The following PDZD11 variants were observed in gnomAD, a reference collection of about 807,000 sequenced individuals.
PDZD11 encodes the protein PDZ domain containing 11.
In PDZD11, 2 loss-of-function variants were observed where a neutral mutation model predicts 13.7. The observed-to-expected ratio is 0.15, with a 90% confidence interval of 0.06 to 0.46. The LOEUF (loss-of-function observed/expected upper bound fraction) is 0.46. Ranked by LOEUF, PDZD11 falls within the 20% of genes least tolerant of loss-of-function variation. PDZD11 has a pLI of 0.98. For synonymous variants in PDZD11, 32 were observed against 37.5 expected (o/e 0.85, Z 0.54); for missense variants, 44 against 111.7 (o/e 0.39, Z 2.73).
Position 70,287,054 on chromosome X carries a change from C to T in PDZD11, c.*28G>A. 8.5e-7 allele frequency: 1 copy of T among 1,176,220 alleles called. No homozygotes were observed. The highest frequency in any genetic ancestry group is 1.1e-6 in the Non-Finnish European group (1 of 871,048). On this transcript the variant is annotated 3_prime_UTR_variant, in exon 7 of 7. Transcript: ENST00000239666. ...CTAGTTAGCATGTCATGACAGAGTC[C>T]ACATGAAGGGCTGTGGGCTGCAACT...
chrX:70,287,387 G>C, intron 5 of PDZD11, 51 bp from the exon 6 acceptor site: 1 of 1,050,036 alleles, frequency 9.5e-7, no homozygotes, highest in Non-Finnish European at 1.3e-6. Context: ...ACCCAAGACA[G>C]AATCATAATA....
rs1456051992 is a variant in PDZD11 at position 70,288,577 on chromosome X, C to T, written c.88-64G>A. On this transcript the variant is annotated intron_variant, in intron 2 of 6. Transcript: ENST00000239666. ...ACTTCACACCTACCTTCATCTGAAACACTAATGAATTACCCTGAAGTCAGG... is the reference window on the plus strand; with the variant it reads ...ACTTCACACCTACCTTCATCTGAAATACTAATGAATTACCCTGAAGTCAGG... 7.9e-6 allele frequency: 7 copies of T among 884,179 alleles called. No individual in the cohort carries two copies. The East Asian group carries it at 1.6e-4, about 20-fold the overall frequency. The allele number at this position is 884,179 out of a possible 1,213,427, so 72.9% of individuals were successfully genotyped here.
chrX:70,289,186 A>G, intron 2 of PDZD11, 69 bp downstream of exon 2: 3 of 884,537 alleles, frequency 3.4e-6, no homozygotes, highest in Non-Finnish European at 4.8e-6. Context: ...CTGCTATCCT[A>G]CCTTTCATGC....
chrX:70,288,465 G>A lies in PDZD11; in HGVS notation c.136C>T (p.Arg46Ter), dbSNP rs1482909841. 8.3e-7 allele frequency: 1 copy of A among 1,210,924 alleles called. No individual in the cohort carries two copies. The highest frequency in any genetic ancestry group is 1.1e-6 in the Non-Finnish European group (1 of 894,923). ...GGAGGCTTCTTCAGTGTGATGGTTC[G>A]GGGCAGAAACTGGGTCAACTCATTG... ...YNNELTQFLP[R>*]TITLKKPPGA... Residue 46 changes from arginine (R) to a stop codon, truncating the protein, a stop_gained, in exon 3 of 7, where the codon CGA becomes TGA. Transcript: ENST00000239666. LOFTEE classifies it high-confidence loss of function.
intron 1 of PDZD11, 157 bp downstream of exon 1, chrX:70,289,703 G>C (rs2085746754): frequency 5.1e-6 from 1 of 197,222 alleles, no homozygotes; most frequent in Non-Finnish European, 9.2e-6. Flanking sequence ...GCAGGGACTC[G>C]GGGCAAGGCA....
intron 3 of PDZD11, 87 bp downstream of exon 3, chrX:70,288,343 C>T: frequency 1.1e-6 from 1 of 935,504 alleles, no homozygotes; most frequent in Non-Finnish European, 1.5e-6. Flanking sequence ...TTCCTCACAT[C>T]TGCACCTGCT....
chrX:70,289,182 T>C, intron 2 of PDZD11, 73 bp downstream of exon 2: 1 of 862,002 alleles, frequency 1.2e-6, no homozygotes, highest in Non-Finnish European at 1.6e-6. Flanking sequence ...AACCCTGCTA[T>C]CCTACCTTTC....
At position 70,287,269 on chromosome X, in the gene PDZD11, C is replaced by T. The variant is rs144766549; in HGVS notation, c.388+7G>A. ...TCAGGAAAGTGAAAAAAGAAAGTGG[C>T]ACTTACTGTAGGGAAAGAAGCGCAC... On this transcript the variant is annotated splice_region_variant and intron_variant, in intron 6 of 6. Transcript: ENST00000239666. The T allele has an allele frequency of 2.3e-3, 2,716 of 1,203,795 alleles. 3 individuals are homozygous for T. Among genetic ancestry groups the T allele is most frequent in the Middle Eastern group, 3.7e-3 (16 of 4,329 alleles).
intron 6 of PDZD11, 67 bp downstream of exon 6, chrX:70,287,209 C>T: frequency 1.7e-6 from 2 of 1,150,036 alleles, no homozygotes; most frequent in Non-Finnish European, 2.4e-6. Flanking sequence ...GGCCTCTAGT[C>T]ATCAGTATTT....
chrX:70,288,861 C>T (rs967986703), intron 2 of PDZD11, among the ~76,000 whole-genome samples: 52 of 111,015 alleles, frequency 4.7e-4, no homozygotes, highest in African/African-American at 1.4e-3. Context: ...TGTGCCACCA[C>T]GCCCGGCTAA....
intron 2 of PDZD11, among the ~76,000 whole-genome samples, 192 bp from the exon 3 acceptor site, chrX:70,288,705 C>CT (rs67327803): frequency 0.4 from 37,091 of 92,642 alleles, 7,402 homozygotes; most frequent in Non-Finnish European, 0.53. Flanking sequence ...ATTTCTTCAC[C>CT]TTTTTTTTTT....
intron 6 of PDZD11, 36 bp downstream of exon 6, chrX:70,287,240 C>G: frequency 8.5e-7 from 1 of 1,182,854 alleles, no homozygotes; most frequent in Non-Finnish European, 1.1e-6. Context: ...TACTTAGGGC[C>G]CTGTCAGGAA....
chrX:70,287,828 C>T lies in PDZD11; in HGVS notation c.231G>A (p.Val77=), dbSNP rs893734188. The part of the protein sequence containing the change: ...ASQLGIFISK[V]IPDSDAHRAG... ...CTCTATGTGCATCAGAGTCAGGAAT[C>T]ACCTGTTGGTAAAGAGAGAATACAT... Residue 77 remains valine (V), a splice_region_variant and synonymous_variant, in exon 5 of 7, where the codon GTG becomes GTA. Coordinates refer to ENST00000239666, the MANE Select transcript of PDZD11 (RefSeq NM_016484.5). 8.5e-7 allele frequency: 1 copy of T among 1,179,757 alleles called. No homozygotes were observed. Among genetic ancestry groups the T allele is most frequent in the Non-Finnish European group, 1.2e-6 (1 of 866,765 alleles).
At chrX:70,289,200 A>G in intron 2 of PDZD11, 55 bp downstream of exon 2, 2 of 1,000,474 alleles carry the variant, frequency 2.0e-6, no homozygotes, top group South Asian at 2.2e-5. Flanking sequence ...TTCATGCATC[A>G]TCTCATGCCC....
intron 1 of PDZD11, 191 bp from the exon 2 acceptor site, chrX:70,289,545 C>T (rs1206366605): frequency 5.7e-5 from 36 of 635,863 alleles, no homozygotes; most frequent in Non-Finnish European, 7.8e-5. Flanking sequence ...TTCTGGATGC[C>T]AAGCAACCTG....
Position 70,287,135 on chromosome X carries a change from A to G in PDZD11, c.389-19T>C, listed in dbSNP as rs1256149675. ...TGATAATCTGAAGGAAAGAAGAAGAAAAGGAGGAACAGAGCAGGTTATCTT... is the reference window on the plus strand; with the variant it reads ...TGATAATCTGAAGGAAAGAAGAAGAGAAGGAGGAACAGAGCAGGTTATCTT... On this transcript the variant is annotated intron_variant, in intron 6 of 6. Coordinates refer to ENST00000239666, the MANE Select transcript of PDZD11 (RefSeq NM_016484.5). 1 of 1,196,998 alleles carries G rather than the reference A, an allele frequency of 8.4e-7. No homozygotes were observed. Among genetic ancestry groups the G allele is most frequent in the South Asian group, 1.8e-5 (1 of 54,834 alleles).
rs1281738126 is a variant in PDZD11, at chrX:70,287,205, T to C, written c.388+71A>G. Reference sequence around the variant, plus strand: ...CCCTATCCCCAACTTGTAGGGCCTCTAGTCATCAGTATTTAAAGAGTTCTT... The same window carrying C: ...CCCTATCCCCAACTTGTAGGGCCTCCAGTCATCAGTATTTAAAGAGTTCTT... On this transcript the variant is annotated intron_variant, in intron 6 of 6. Transcript: ENST00000239666. 5 of 1,138,174 alleles carry C rather than the reference T, an allele frequency of 4.4e-6. No individual in the cohort carries two copies. In the East Asian group the frequency reaches 1.2e-4, roughly 27 times the overall value. 93.8% of individuals were successfully genotyped at this position (1,138,174 alleles called of 1,213,427 possible).
chrX:70,287,332 A>G lies in PDZD11; in HGVS notation c.332T>C (p.Val111Ala). Residue 111 changes from valine to alanine, a missense_variant, in exon 6 of 7, where the codon GTT becomes GCT. Val to Ala is a moderately conservative substitution (Grantham distance 64, BLOSUM62 0). Coordinates refer to ENST00000239666, the MANE Select transcript of PDZD11 (RefSeq NM_016484.5). ...DFQDIEHSKAVEILKTAREIS... is the reference protein window; with the variant it reads ...DFQDIEHSKAAEILKTAREIS... ...TTCACGAGCTGTCTTCAGGATCTCA[A>G]CAGCCTGGAAGGAACACAGCAGCTT... 1 of 1,205,918 alleles carries G rather than the reference A, an allele frequency of 8.3e-7. No homozygotes were observed. The highest frequency in any genetic ancestry group is 1.1e-6 in the Non-Finnish European group (1 of 890,625).
At chrX:70,287,615 G>A in intron 5 of PDZD11, 117 bp downstream of exon 5, 1 of 577,489 alleles carries the variant, frequency 1.7e-6, no homozygotes, top group Non-Finnish European at 2.9e-6. Context: ...TTACAGGCGT[G>A]TACCACAGTG....
Sources: gnomAD v4.1 joint callset for allele counts (sites outside exome capture counted in the v4.1 genomes callset) on GRCh38, gnomAD v4.1.1 for gene constraint, MANE v1.5 for transcripts, NCBI Gene and HGNC (gene_info 2026-07-23, HGNC 2026-07-21) for gene names.